CNBD1: variants seen among roughly 807,000 people sequenced by gnomAD.
CNBD1 encodes the protein cyclic nucleotide binding domain containing 1, also known as cyclic nucleotide-binding domain-containing protein 1.
A neutral mutation model predicts 54.4 loss-of-function variants in CNBD1; 71 were observed. The ratio of observed to expected loss-of-function variants is 1.30; its 90% confidence interval spans 1.08 to 1.59. The LOEUF (loss-of-function observed/expected upper bound fraction) is 1.59, where lower values mean the gene tolerates loss of function less well. Ranked by LOEUF, CNBD1 falls within the 40% of genes most tolerant of loss-of-function variation. CNBD1 has a pLI of 0.00. For missense variants in CNBD1, 659 were observed against 518.0 expected (o/e 1.27, Z -2.64); for synonymous variants, 182 against 170.7 (o/e 1.07, Z -0.51).
At chr8:87,184,323 CA>C (rs1333188044) in intron 4 of CNBD1, among the ~76,000 whole-genome samples, 1 of 152,172 alleles carries the variant, frequency 6.6e-6, no homozygotes, top group Non-Finnish European at 1.5e-5. Context: ...AAGACACCAG[CA>C]GACAGAGGAC....
At chr8:86,940,221 C>A (rs540763106) in intron 4 of CNBD1, among the ~76,000 whole-genome samples, 161 of 148,506 alleles carry the variant, frequency 1.1e-3, no homozygotes, top group African/African-American at 3.9e-3. Context: ...ACCTCTGCTT[C>A]AATGGCGCAA....
chr8:87,320,117 G>A (rs1809487024), intron 8 of CNBD1, among the ~76,000 whole-genome samples: 1 of 152,004 alleles, frequency 6.6e-6, no homozygotes, highest in Admixed American at 6.6e-5. Context: ...TGTGATAGAT[G>A]TTCTTTTAAC....
intron 3 of CNBD1, among the ~76,000 whole-genome samples, chr8:86,930,033 G>C (rs181106945): frequency 6.6e-6 from 1 of 152,242 alleles, no homozygotes; most frequent in Non-Finnish European, 1.5e-5. Context: ...GGTTTTGAAG[G>C]CTGTTTCCAT....
At chr8:87,285,218 G>T (rs1554576157) in intron 7 of CNBD1, among the ~76,000 whole-genome samples, 1 of 152,016 alleles carries the variant, frequency 6.6e-6, no homozygotes, top group Non-Finnish European at 1.5e-5. Flanking sequence ...ACTTTAAAAG[G>T]AAAAATACTT....
chr8:86,904,977 AC>A, intron 2 of CNBD1, 103 bp from the exon 3 acceptor site: 1 of 465,598 alleles, frequency 2.1e-6, no homozygotes, highest in Non-Finnish European at 3.8e-6. Context: ...TGCTTCTTAG[AC>A]TAAATAGTAT....
intron 4 of CNBD1, among the ~76,000 whole-genome samples, chr8:87,192,875 A>G (rs571721170): frequency 1.3e-5 from 2 of 152,242 alleles, no homozygotes; most frequent in South Asian, 2.1e-4. Flanking sequence ...CTGTGTCTGT[A>G]TATGTGTGTT....
At chr8:87,389,267 A>T (rs983699093) in intron 2 of CNBD1, among the ~76,000 whole-genome samples, 1 of 152,124 alleles carries the variant, frequency 6.6e-6, no homozygotes, top group African/African-American at 2.4e-5. Context: ...CAGGCAGGAG[A>T]AGGAAATAAA....
chr8:86,934,882 C>CA (rs1809517521), intron 3 of CNBD1, among the ~76,000 whole-genome samples: 2 of 152,274 alleles, frequency 1.3e-5, no homozygotes. Context: ...TAATCAGTGA[C>CA]ACTGGCTTGT....
At chr8:87,320,723 T>TA (rs796461999) in intron 8 of CNBD1, among the ~76,000 whole-genome samples, 7 of 152,192 alleles carry the variant, frequency 4.6e-5, no homozygotes, top group African/African-American at 1.7e-4. Context: ...TTTACTGTGA[T>TA]AAAAAACATG....
chr8:87,426,416 G>T (rs889021141), intron 2 of CNBD1, among the ~76,000 whole-genome samples: 3 of 152,130 alleles, frequency 2.0e-5, no homozygotes, highest in African/African-American at 4.8e-5. Flanking sequence ...ATAAAAACTT[G>T]AATAATAATG....
intron 5 of CNBD1, among the ~76,000 whole-genome samples, chr8:87,217,118 T>C (rs538545026): frequency 1.3e-5 from 2 of 152,240 alleles, no homozygotes; most frequent in East Asian, 3.9e-4. Flanking sequence ...CTCTTTTTTA[T>C]GAAAGTGACA....
chr8:87,167,761 G>A (rs1244948429), intron 4 of CNBD1, among the ~76,000 whole-genome samples: 1 of 151,856 alleles, frequency 6.6e-6, no homozygotes, highest in African/African-American at 2.4e-5. Context: ...AAATATGGGA[G>A]GATATTTGGT....
intron 1 of CNBD1, among the ~76,000 whole-genome samples, chr8:86,869,595 T>A (rs1486666894): frequency 6.6e-6 from 1 of 152,188 alleles, no homozygotes; most frequent in Non-Finnish European, 1.5e-5. Flanking sequence ...CTTTTCCTTC[T>A]CTGGTCTCTT....
At chr8:87,394,140 T>C (rs116897176) in intron 2 of CNBD1, among the ~76,000 whole-genome samples, 78 of 151,988 alleles carry the variant, frequency 5.1e-4, no homozygotes, top group Admixed American at 8.5e-4. Flanking sequence ...ATCACCCACA[T>C]AGAATATTTT....
chr8:87,226,749 A>G lies in CNBD1; in HGVS notation c.578-10170A>G, dbSNP rs918796021. Among the ~76,000 whole-genome samples, 12 of 151,984 alleles carry G rather than the reference A, an allele frequency of 7.9e-5. No individual in the cohort carries two copies. The South Asian group carries it at 8.3e-4, about 11-fold the overall frequency. Reference sequence around the variant, plus strand: ...TGGGTGGAGAGTTCTGTAGATGTCTATTAGGTCCGCTTGGTGCAGAGCTGA... The same window carrying G: ...TGGGTGGAGAGTTCTGTAGATGTCTGTTAGGTCCGCTTGGTGCAGAGCTGA... On this transcript the variant is annotated intron_variant, in intron 5 of 10. Coordinates refer to ENST00000518476, the MANE Select transcript of CNBD1 (RefSeq NM_173538.3).
Position 87,344,691 on chromosome 8 carries a change from G to A in CNBD1, c.1043-6994G>A, listed in dbSNP as rs185006206. On this transcript the variant is annotated intron_variant, in intron 8 of 10. Transcript: ENST00000518476. ...AATTATTGTGAAATTAATCAGGTACGTCATTATTTCACATAACAAAAAAAT... is the reference window on the plus strand; with the variant it reads ...AATTATTGTGAAATTAATCAGGTACATCATTATTTCACATAACAAAAAAAT... 4.1e-3 allele frequency among the ~76,000 whole-genome samples: 618 copies of A among 151,088 alleles called. 8 individuals are homozygous for A. The highest frequency in any genetic ancestry group is 0.014 in the African/African-American group (567 of 40,528).
chr8:87,122,739 G>A (rs1000870317), intron 4 of CNBD1, among the ~76,000 whole-genome samples: 2 of 151,828 alleles, frequency 1.3e-5, no homozygotes, highest in Non-Finnish European at 3.0e-5. Context: ...TTTTATATAA[G>A]GGGTGAGATA....
intron 2 of CNBD1, among the ~76,000 whole-genome samples, chr8:87,409,488 G>A (rs1807704607): frequency 6.6e-6 from 1 of 152,098 alleles, no homozygotes; most frequent in African/African-American, 2.4e-5. Context: ...AAATTATCCA[G>A]GAGATATAAC....
intron 4 of CNBD1, among the ~76,000 whole-genome samples, chr8:87,191,320 C>T (rs1813605094): frequency 6.6e-6 from 1 of 152,232 alleles, no homozygotes; most frequent in East Asian, 1.9e-4. Flanking sequence ...AATCAGCAAG[C>T]AAAATTATCC....
Sources: allele counts gnomAD v4.1 joint callset (sites outside exome capture counted in the v4.1 genomes callset), GRCh38; gene constraint gnomAD v4.1.1; transcripts MANE v1.5; gene names NCBI Gene and HGNC (gene_info 2026-07-23, HGNC 2026-07-21).